Variants in TMEM132B observed in about 807,000 individuals in gnomAD.
TMEM132B encodes transmembrane protein 132B.
In TMEM132B, 18 loss-of-function variants were observed where a neutral mutation model predicts 90.8. The observed-to-expected ratio is 0.20, with a 90% CI of 0.14 to 0.29. TMEM132B has a LOEUF of 0.29. Ranked by LOEUF, TMEM132B falls within the 10% of genes least tolerant of loss-of-function variation. TMEM132B has a pLI of 1.00. For synonymous variants in TMEM132B, 504 were observed against 523.3 expected (o/e 0.96, Z 0.50); for missense variants, 1,096 against 1,326.8 (o/e 0.83, Z 2.70).
intron 1 of TMEM132B, among the ~76,000 whole-genome samples, chr12:125,298,631 G>A (rs1371915310): frequency 7.7e-5 from 10 of 130,590 alleles, no homozygotes; most frequent in African/African-American, 2.4e-4. Flanking sequence ...CCGAGATCGC[G>A]TCACTGCACT....
chr12:125,638,632 A>G (rs1027380524), intron 5 of TMEM132B, among the ~76,000 whole-genome samples: 2 of 151,722 alleles, frequency 1.3e-5, no homozygotes, highest in African/African-American at 4.8e-5. Flanking sequence ...ATAGCAGCAC[A>G]TGTCTCGGGT....
intron 1 of TMEM132B, among the ~76,000 whole-genome samples, chr12:125,342,625 A>C (rs1877220077): frequency 6.6e-6 from 1 of 151,882 alleles, no homozygotes; most frequent in Non-Finnish European, 1.5e-5. Flanking sequence ...ATTCCTTTCC[A>C]CTTCCTCTCT....
intron 4 of TMEM132B, among the ~76,000 whole-genome samples, chr12:125,566,824 C>CTCT (rs768811102): frequency 0.016 from 2,222 of 141,990 alleles, 24 homozygotes; most frequent in Non-Finnish European, 0.025. Context: ...CTTCTTCTTC[C>CTCT]TCTTCTTCTT....
chr12:125,277,423 G>A lies in TMEM132B; in HGVS notation c.68-72029G>A, dbSNP rs1455482522. On this transcript the variant is annotated intron_variant, in intron 1 of 8. Transcript: ENST00000682704. The surrounding 1 kb of genome is among the most constrained non-coding windows in gnomAD (Gnocchi z 4.3). ...GAACCTGGGAGGCGGAGGTTGCAGT[G>A]AGCCAAGATCGTGCCATTTCACTCT... Among the ~76,000 whole-genome samples, 1 of 151,456 alleles carries A rather than the reference G, an allele frequency of 6.6e-6. No individual in the cohort carries two copies. The highest frequency in any genetic ancestry group is 2.4e-5 in the African/African-American group (1 of 41,084).
intron 3 of TMEM132B, among the ~76,000 whole-genome samples, chr12:125,502,177 A>C (rs1028684391): frequency 1.3e-5 from 2 of 152,064 alleles, no homozygotes; most frequent in African/African-American, 4.8e-5. Context: ...TCAGCTCTCA[A>C]ATCTCTCCTC....
intron 1 of TMEM132B, among the ~76,000 whole-genome samples, chr12:125,344,106 G>A (rs1010015920): frequency 6.6e-6 from 1 of 151,826 alleles, no homozygotes. Flanking sequence ...CTGAATTTTA[G>A]TAGACAGAAT....
intron 1 of TMEM132B, among the ~76,000 whole-genome samples, chr12:125,205,916 A>T (rs1565974934): frequency 6.6e-6 from 1 of 152,348 alleles, no homozygotes; most frequent in East Asian, 1.9e-4. Context: ...TTGGAGAAAG[A>T]TTGCAGCAGG....
At chr12:125,394,728 A>G (rs971622994) in intron 2 of TMEM132B, among the ~76,000 whole-genome samples, 1 of 152,200 alleles carries the variant, frequency 6.6e-6, no homozygotes, top group Non-Finnish European at 1.5e-5. Flanking sequence ...CTGTGCTGTA[A>G]AAATAAGTCT....
intron 3 of TMEM132B, 123 bp from the exon 4 acceptor site, chr12:125,519,316 A>C: frequency 1.0e-6 from 1 of 995,474 alleles, no homozygotes; most frequent in Non-Finnish European, 1.5e-6. Context: ...CTGCCGTGTG[A>C]GTTGTTGAAC....
chr12:125,611,360 TG>T (rs1330858991), intron 5 of TMEM132B, among the ~76,000 whole-genome samples: 3 of 152,056 alleles, frequency 2.0e-5, no homozygotes, highest in African/African-American at 7.2e-5. Flanking sequence ...AAACAATTTT[TG>T]GTTTTGCTGA....
At chr12:125,499,762 AC>A in intron 3 of TMEM132B, among the ~76,000 whole-genome samples, 1 of 152,302 alleles carries the variant, frequency 6.6e-6, no homozygotes, top group Non-Finnish European at 1.5e-5. Context: ...ATTGTTTGTA[AC>A]AAGCTTTTGC....
chr12:125,307,754 AC>A (rs1876014452), intron 1 of TMEM132B, among the ~76,000 whole-genome samples: 1 of 141,526 alleles, frequency 7.1e-6, no homozygotes, highest in Admixed American at 7.4e-5. Context: ...AAGTATATAT[AC>A]TTATATTGCA....
rs564883217 is a variant in TMEM132B, at chr12:125,328,510, C to G, written c.68-20942C>G. On this transcript the variant is annotated intron_variant, in intron 1 of 8. Transcript: ENST00000682704. The stretch of plus-strand genomic sequence containing the variant: ...CAGAGCCACACTTGCTCTGAAGGCT[C>G]TAGGGGAGGGAGGATCCTTCCTGCC... 1.4e-3 allele frequency among the ~76,000 whole-genome samples: 209 copies of G among 152,292 alleles called. 2 individuals are homozygous for G. Among genetic ancestry groups the G allele is most frequent in the African/African-American group, 5.0e-3 (206 of 41,554 alleles).
At chr12:125,505,193 A>AAAAC in intron 3 of TMEM132B, among the ~76,000 whole-genome samples, 1 of 145,446 alleles carries the variant, frequency 6.9e-6, no homozygotes, top group African/African-American at 2.7e-5. Flanking sequence ...AAAAAAAAAA[A>AAAAC]AACAGTAAGT....
At chr12:125,325,713 GTGTGTGTC>G (rs1876545275) in intron 1 of TMEM132B, among the ~76,000 whole-genome samples, 5 of 120,298 alleles carry the variant, frequency 4.2e-5, no homozygotes, top group East Asian at 2.4e-4. Context: ...GTGTGTGTGT[GTGTGTGTC>G]TGTTTCTAAG....
At chr12:125,627,501 G>A (rs1040564984) in intron 5 of TMEM132B, among the ~76,000 whole-genome samples, 2 of 151,860 alleles carry the variant, frequency 1.3e-5, no homozygotes, top group African/African-American at 4.8e-5. Flanking sequence ...ATAGTCAGAA[G>A]TTGAGCTAAG....
chr12:125,556,862 C>G (rs577981390), intron 4 of TMEM132B, among the ~76,000 whole-genome samples: 484 of 152,306 alleles, frequency 3.2e-3, no homozygotes, highest in Non-Finnish European at 4.4e-3. Flanking sequence ...TCACGCCATT[C>G]TCCTGCCTCA....
chr12:125,203,415 T>C (rs1048410808), intron 1 of TMEM132B, among the ~76,000 whole-genome samples: 3 of 152,218 alleles, frequency 2.0e-5, no homozygotes, highest in African/African-American at 4.8e-5. Flanking sequence ...TTTGAGAGGA[T>C]CTTCTTCATA....
intron 1 of TMEM132B, among the ~76,000 whole-genome samples, chr12:125,191,529 G>A (rs1223643004): frequency 6.6e-6 from 1 of 152,148 alleles, no homozygotes; most frequent in Non-Finnish European, 1.5e-5. Context: ...GGTGTGGCCC[G>A]GCCTCTGAAC....
Sources: allele counts gnomAD v4.1 joint callset (sites outside exome capture counted in the v4.1 genomes callset), GRCh38; gene constraint gnomAD v4.1.1; non-coding constraint Gnocchi (gnomAD v3.1); transcripts MANE v1.5; gene names NCBI Gene and HGNC (gene_info 2026-07-23, HGNC 2026-07-21).